MGAT5: variants seen among roughly 807,000 people sequenced by gnomAD.
MGAT5 encodes the protein alpha-1,6-mannosylglycoprotein 6-beta-N-acetylglucosaminyltransferase A.
MGAT5 carries 30 observed loss-of-function variants against 94.3 expected under a neutral mutation model. The ratio of observed to expected loss-of-function variants is 0.32; its 90% CI spans 0.24 to 0.43. The LOEUF (loss-of-function observed/expected upper bound fraction) is 0.43, where lower values mean the gene tolerates loss of function less well. Ranked by LOEUF, MGAT5 falls within the 20% of genes least tolerant of loss-of-function variation. MGAT5 has a pLI of 1.00. For missense variants in MGAT5, 691 were observed against 905.5 expected, an observed-to-expected ratio of 0.76 and a Z score of 3.04; for synonymous variants, 310 against 322.9, an observed-to-expected ratio of 0.96 and a Z score of 0.43.
chr2:134,319,817 G>GA (rs1687211829), intron 4 of MGAT5: 2 of 376,114 alleles, frequency 5.3e-6, no homozygotes, highest in African/African-American at 4.3e-5. Context: ...CCGTACATAT[G>GA]CATGTCTATA....
chr2:134,400,076 A>G (rs1248166444), intron 10 of MGAT5, among the ~76,000 whole-genome samples: 1 of 152,210 alleles, frequency 6.6e-6, no homozygotes, highest in Non-Finnish European at 1.5e-5. Flanking sequence ...ATTTGATATT[A>G]TGGAGGCAGA....
intron 1 of MGAT5, among the ~76,000 whole-genome samples, chr2:134,256,472 C>A (rs536822383): frequency 1.3e-5 from 2 of 152,236 alleles, no homozygotes; most frequent in Admixed American, 1.3e-4. Context: ...AAGAAGAAGC[C>A]CCACAAATAG....
At chr2:134,172,417 T>C (rs931205744) in intron 1 of MGAT5, among the ~76,000 whole-genome samples, 2 of 152,178 alleles carry the variant, frequency 1.3e-5, no homozygotes, top group Admixed American at 6.5e-5. Context: ...GATGGAGTCT[T>C]GCTCTGTCTC....
intron 1 of MGAT5, among the ~76,000 whole-genome samples, chr2:134,136,436 G>A (rs1047947529): frequency 3.3e-5 from 5 of 152,040 alleles, no homozygotes; most frequent in African/African-American, 9.7e-5. Flanking sequence ...GCGTGGTGGC[G>A]GGTGCCTGTA....
intron 1 of MGAT5, among the ~76,000 whole-genome samples, chr2:134,220,150 T>C (rs753089113): frequency 2.0e-5 from 3 of 152,140 alleles, no homozygotes; most frequent in Non-Finnish European, 4.4e-5. Context: ...AGTAGGACTT[T>C]ATATTCTGCA....
chr2:134,271,111 G>C (rs1279351369), intron 2 of MGAT5, among the ~76,000 whole-genome samples: 1 of 152,170 alleles, frequency 6.6e-6, no homozygotes, highest in Non-Finnish European at 1.5e-5. Context: ...GAGGCATTTT[G>C]TTTGGCTCCT....
intron 1 of MGAT5, among the ~76,000 whole-genome samples, chr2:134,205,701 C>G (rs895716372): frequency 3.3e-5 from 5 of 152,142 alleles, no homozygotes; most frequent in Admixed American, 2.6e-4. Flanking sequence ...AGAGCCTCCA[C>G]TTACAGTTGG....
At position 134,126,899 on chromosome 2, in the gene MGAT5, A is replaced by T. The variant is rs532179455; in HGVS notation, c.-143+6608A>T. 6.0e-5 allele frequency among the ~76,000 whole-genome samples: 9 copies of T among 149,696 alleles called. No individual in the cohort carries two copies. The South Asian group carries it at 1.5e-3, about 25-fold the overall frequency. On this transcript the variant is annotated intron_variant, in intron 1 of 16. Coordinates refer to the MGAT5 transcript ENST00000409645. Reference sequence around the variant, plus strand: ...TCTTGCAGCTGCTTTTTTTTTTTTTAAACCATCTTATTTTCACCTCCAGTT... The same window carrying T: ...TCTTGCAGCTGCTTTTTTTTTTTTTTAACCATCTTATTTTCACCTCCAGTT...
chr2:134,162,702 CT>C (rs1484512067), intron 1 of MGAT5, among the ~76,000 whole-genome samples: 1 of 152,178 alleles, frequency 6.6e-6, no homozygotes, highest in East Asian at 1.9e-4. Flanking sequence ...CTTAAGGAGA[CT>C]TACTGATATT....
chr2:134,208,198 A>G (rs1412053399), intron 1 of MGAT5, among the ~76,000 whole-genome samples: 1 of 151,986 alleles, frequency 6.6e-6, no homozygotes, highest in Non-Finnish European at 1.5e-5. Flanking sequence ...AGTTTCCACC[A>G]TATTCACGTT....
chr2:134,198,974 T>A (rs1679635631), intron 1 of MGAT5, among the ~76,000 whole-genome samples: 1 of 152,212 alleles, frequency 6.6e-6, no homozygotes, highest in South Asian at 2.1e-4. Flanking sequence ...TCCCTTGAAA[T>A]GTATTCTTGT....
At chr2:134,312,512 T>G (rs1014462090) in intron 2 of MGAT5, among the ~76,000 whole-genome samples, 6 of 152,182 alleles carry the variant, frequency 3.9e-5, no homozygotes, top group Non-Finnish European at 8.8e-5. Flanking sequence ...TCCTCTTCAG[T>G]TCTCTGGAAC....
chr2:134,440,828 CCCA>C (rs1685448002), intron 14 of MGAT5, among the ~76,000 whole-genome samples: 1 of 152,140 alleles, frequency 6.6e-6, no homozygotes, highest in South Asian at 2.1e-4. Flanking sequence ...CTCGATTGAA[CCCA>C]CCACCACAAC....
chr2:134,217,533 G>C (rs1680562153), intron 1 of MGAT5, among the ~76,000 whole-genome samples: 1 of 152,194 alleles, frequency 6.6e-6, no homozygotes, highest in Non-Finnish European at 1.5e-5. Context: ...ATCATGGAAA[G>C]ACACTGCATT....
chr2:134,422,936 C>T lies in MGAT5; in HGVS notation c.1794+17C>T. The T allele has an allele frequency of 6.4e-7, 1 of 1,567,542 alleles. No homozygotes were observed. Among genetic ancestry groups the T allele is most frequent in the Non-Finnish European group, 8.8e-7 (1 of 1,138,114 alleles). On this transcript the variant is annotated intron_variant, in intron 13 of 15. Transcript: ENST00000281923. ...AATCAGAAGGTTGGTTCATTTTATT[C>T]CACTTTCCCTCCTTTCTAATGTGAC...
At chr2:134,441,386 T>C (rs1399918816) in intron 14 of MGAT5, among the ~76,000 whole-genome samples, 3 of 152,210 alleles carry the variant, frequency 2.0e-5, no homozygotes, top group Non-Finnish European at 4.4e-5. Flanking sequence ...AGATGGGCCT[T>C]GAAGAGCAGA....
At chr2:134,260,696 C>CTTTTTTT (rs1267044246) in intron 1 of MGAT5, among the ~76,000 whole-genome samples, 1 of 124,398 alleles carries the variant, frequency 8.0e-6, no homozygotes. Context: ...TTTCTTTTTT[C>CTTTTTTT]TTTTTCTTTT....
intron 7 of MGAT5, 88 bp from the exon 8 acceptor site, chr2:134,344,842 C>T (rs1378001275): frequency 1.1e-5 from 17 of 1,491,730 alleles, no homozygotes; most frequent in African/African-American, 2.8e-5. Context: ...TTTGGGGTGG[C>T]ATTTGCCCAT....
intron 10 of MGAT5, among the ~76,000 whole-genome samples, chr2:134,384,244 A>T (rs1681823203): frequency 6.8e-6 from 1 of 147,276 alleles, no homozygotes; most frequent in African/African-American, 2.5e-5. Flanking sequence ...TCATCCTCTC[A>T]TCCAGATGTA....
Sources: allele counts gnomAD v4.1 joint callset (sites outside exome capture counted in the v4.1 genomes callset), GRCh38; gene constraint gnomAD v4.1.1; transcripts MANE v1.5; gene names NCBI Gene and HGNC (gene_info 2026-07-23, HGNC 2026-07-21).